Variants in BABAM2 observed in about 807,000 individuals in gnomAD.
BABAM2 encodes BRISC and BRCA1-A complex member 2.
In BABAM2, 31 loss-of-function variants were observed where a neutral mutation model predicts 54.7. The observed-to-expected ratio is 0.57, with a 90% CI of 0.43 to 0.77. BABAM2 has a LOEUF of 0.77. Among genes scored for constraint, BABAM2 ranks in the 30% least tolerant of loss-of-function variants. The pLI is 0.00. For synonymous variants in BABAM2, 167 were observed against 162.9 expected (o/e 1.03, Z -0.19); for missense variants, 364 against 455.8 (o/e 0.80, Z 1.83).
chr2:27,938,194 A>G (rs1015867013), intron 3 of BABAM2, among the ~76,000 whole-genome samples: 3 of 152,216 alleles, frequency 2.0e-5, no homozygotes, highest in Admixed American at 1.3e-4. Context: ...GTAAGGTCAT[A>G]GTGTTTAATT....
chr2:27,973,630 A>C (rs528087250), intron 3 of BABAM2, among the ~76,000 whole-genome samples: 4 of 152,158 alleles, frequency 2.6e-5, no homozygotes, highest in Non-Finnish European at 1.5e-5. Context: ...AAAAGGTGCC[A>C]CTGGGAGGCA....
chr2:28,071,531 C>T (rs965276131), intron 6 of BABAM2, among the ~76,000 whole-genome samples: 1 of 152,110 alleles, frequency 6.6e-6, no homozygotes, highest in African/African-American at 2.4e-5. Context: ...TTGTTTATTG[C>T]GGTGGTAGTA....
rs892474655 is a variant in BABAM2, at chr2:27,907,711, C to T, written c.128+13027C>T. On this transcript the variant is annotated intron_variant, in intron 2 of 11. Transcript: ENST00000379624. ...CTTTTCCCCCAGCTACTGGCAGCCACCATTCTGGTATCTGTCTCTGAATGT... is the reference window on the plus strand; with the variant it reads ...CTTTTCCCCCAGCTACTGGCAGCCATCATTCTGGTATCTGTCTCTGAATGT... Among the ~76,000 whole-genome samples the T allele has an allele frequency of 5.3e-5, 8 of 152,136 alleles. No homozygotes were observed. The South Asian group carries it at 1.4e-3, about 28-fold the overall frequency.
chr2:28,274,499 C>T (rs1685703361), intron 10 of BABAM2, among the ~76,000 whole-genome samples: 2 of 152,198 alleles, frequency 1.3e-5, no homozygotes, highest in Non-Finnish European at 2.9e-5. Flanking sequence ...GCGATCTTGG[C>T]TCACTGCAGC....
chr2:28,297,163 G>A (rs1326821333), intron 10 of BABAM2, among the ~76,000 whole-genome samples: 1 of 152,196 alleles, frequency 6.6e-6, no homozygotes, highest in Non-Finnish European at 1.5e-5. Context: ...GGCATAGTAG[G>A]AGCCGAATGT....
chr2:28,197,036 G>A (rs1236617187), intron 7 of BABAM2, among the ~76,000 whole-genome samples: 1 of 151,360 alleles, frequency 6.6e-6, no homozygotes, highest in Non-Finnish European at 1.5e-5. Context: ...TTATAGAGAT[G>A]GGATCTCGCT....
At chr2:28,198,061 C>T (rs1677806297) in intron 7 of BABAM2, among the ~76,000 whole-genome samples, 1 of 152,104 alleles carries the variant, frequency 6.6e-6, no homozygotes. Context: ...AGAAGGTAAT[C>T]TGTGCTACAG....
intron 6 of BABAM2, among the ~76,000 whole-genome samples, chr2:28,101,028 A>G (rs989397974): frequency 1.3e-5 from 2 of 152,234 alleles, no homozygotes; most frequent in East Asian, 3.9e-4. Flanking sequence ...AGCAGGGAAC[A>G]GGTGGGTCAG....
intron 4 of BABAM2, among the ~76,000 whole-genome samples, chr2:28,012,633 C>G (rs1321594382): frequency 6.6e-6 from 1 of 152,164 alleles, no homozygotes; most frequent in Non-Finnish European, 1.5e-5. Flanking sequence ...CTCTAGTACT[C>G]TTCACGGTGC....
upstream of BABAM2, chr2:27,890,138 A>AT: frequency 2.4e-6 from 2 of 847,202 alleles, no homozygotes; most frequent in Non-Finnish European, 3.7e-6. The surrounding 1 kb of genome is among the most constrained non-coding windows in gnomAD (Gnocchi z 4.8). Context: ...TGCAGCTCAT[A>AT]CCCAAAGCTA....
At chr2:28,111,348 G>A (rs567863904) in intron 6 of BABAM2, among the ~76,000 whole-genome samples, 200 of 152,012 alleles carry the variant, frequency 1.3e-3, no homozygotes, top group African/African-American at 4.7e-3. Context: ...AATTGAGGTT[G>A]TTTGGTTTTT....
At chr2:28,041,573 G>C (rs2148602333) in intron 5 of BABAM2, among the ~76,000 whole-genome samples, 1 of 152,282 alleles carries the variant, frequency 6.6e-6, no homozygotes, top group African/African-American at 2.4e-5. Context: ...GAGAGTTTCT[G>C]GGTGACTTTG....
intron 1 of BABAM2, among the ~76,000 whole-genome samples, chr2:27,894,303 A>G (rs1030030938): frequency 2.0e-5 from 3 of 152,182 alleles, no homozygotes; most frequent in Admixed American, 2.0e-4. Flanking sequence ...ATTGTATTTC[A>G]GGAGTTCCTT....
chr2:28,067,597 G>A (rs1163844525), intron 6 of BABAM2, among the ~76,000 whole-genome samples: 1 of 152,230 alleles, frequency 6.6e-6, no homozygotes, highest in African/African-American at 2.4e-5. Flanking sequence ...AAACAAGATT[G>A]TTGAGTGTGG....
At chr2:27,949,312 C>T (rs1033039480) in intron 3 of BABAM2, among the ~76,000 whole-genome samples, 1 of 152,196 alleles carries the variant, frequency 6.6e-6, no homozygotes, top group Non-Finnish European at 1.5e-5. Flanking sequence ...ACAGGCGGAT[C>T]ACCTGAGGTC....
intron 3 of BABAM2, among the ~76,000 whole-genome samples, chr2:27,967,925 A>T (rs2148444486): frequency 6.6e-6 from 1 of 152,326 alleles, no homozygotes; most frequent in Non-Finnish European, 1.5e-5. Flanking sequence ...TCAAAAGGTG[A>T]CTTGGGTGCT....
intron 2 of BABAM2, among the ~76,000 whole-genome samples, chr2:27,911,296 T>C (rs951714191): frequency 6.6e-6 from 1 of 152,202 alleles, no homozygotes; most frequent in Admixed American, 6.5e-5. Context: ...TTTTTGCAAA[T>C]GTATAATATG....
intron 4 of BABAM2, among the ~76,000 whole-genome samples, chr2:28,024,414 A>T (rs1465229176): frequency 6.6e-6 from 1 of 152,166 alleles, no homozygotes; most frequent in African/African-American, 2.4e-5. Flanking sequence ...TCAAAAAAAA[A>T]AAAAAGTCTT....
chr2:28,334,550 G>T (rs1053377312), intron 11 of BABAM2, among the ~76,000 whole-genome samples: 6 of 152,356 alleles, frequency 3.9e-5, no homozygotes, highest in Admixed American at 3.3e-4. Flanking sequence ...AAGTGGTACT[G>T]GGATGGGCCA....
Sources: gnomAD v4.1 joint callset for allele counts (sites outside exome capture counted in the v4.1 genomes callset) on GRCh38, gnomAD v4.1.1 for gene constraint, Gnocchi (gnomAD v3.1) non-coding constraint, MANE v1.5 for transcripts, NCBI Gene and HGNC (gene_info 2026-07-23, HGNC 2026-07-21) for gene names.